Variants in DNAH3 observed in about 807,000 individuals in gnomAD.
The protein encoded by DNAH3 is dynein axonemal heavy chain 3, also known as axonemal beta dynein heavy chain 3.
In DNAH3, 332 loss-of-function variants were observed where a neutral mutation model predicts 432.5. The observed-to-expected ratio is 0.77, with a 90% confidence interval of 0.70 to 0.84. DNAH3 has a LOEUF of 0.84. DNAH3 is among the 40% of genes least tolerant of loss of function. DNAH3 has a pLI of 0.00. For synonymous variants in DNAH3, 1,956 were observed against 1,900.2 expected (o/e 1.03, Z -0.76); for missense variants, 4,861 against 5,114.0 (o/e 0.95, Z 1.51).
chr16:21,147,484 C>T (rs12443957), intron 1 of DNAH3, among the ~76,000 whole-genome samples: 2 of 151,998 alleles, frequency 1.3e-5, no homozygotes, highest in Admixed American at 6.6e-5. Flanking sequence ...CCAAAGTGCT[C>T]GGATTACAGG....
chr16:21,090,484 T>C (rs1327587432), intron 18 of DNAH3, among the ~76,000 whole-genome samples: 2 of 152,118 alleles, frequency 1.3e-5, no homozygotes, highest in African/African-American at 2.4e-5. Flanking sequence ...TAATACACCA[T>C]GTCCAAGTAG....
intron 12 of DNAH3, among the ~76,000 whole-genome samples, 179 bp from the exon 13 acceptor site, chr16:21,112,277 T>C (rs1257917618): frequency 6.6e-6 from 1 of 152,182 alleles, no homozygotes; most frequent in Non-Finnish European, 1.5e-5. Flanking sequence ...GGCTCTGATT[T>C]TCAGTTTCAC....
rs767018940 is a variant in DNAH3 at position 20,964,158 on chromosome 16, G to A, written c.9726C>T (p.Ile3242=). The A allele has an allele frequency of 1.3e-5, 21 of 1,614,040 alleles. No individual in the cohort carries two copies. In the South Asian group the frequency reaches 2.0e-4, roughly 15 times the overall value. The stretch of plus-strand genomic sequence containing the variant: ...CCTTGGACATGGAGAGAACCTCCAA[G>A]ATCTTATCTTCAATTTCCTTGAGAT... The change falls in exon 53 of 62, where the codon ATC becomes ATT. Residue 3242 remains isoleucine (I), a synonymous_variant. Coordinates refer to ENST00000261383, the Ensembl canonical transcript of DNAH3.
chr16:21,067,776 G>GGAGGGAGAGAGAGAGAGAGA (rs374291201), intron 23 of DNAH3, among the ~76,000 whole-genome samples: 1 of 40,896 alleles, frequency 2.4e-5, no homozygotes, highest in African/African-American at 1.2e-4. Flanking sequence ...GGGTGGGGAG[G>GGAGGGAGAGAGAGAGAGAGA]GAGAGAGAGA....
At chr16:21,148,248 A>C (rs2092810330) in intron 1 of DNAH3, among the ~76,000 whole-genome samples, 1 of 152,098 alleles carries the variant, frequency 6.6e-6, no homozygotes, top group Non-Finnish European at 1.5e-5. Context: ...GAAAAACAAC[A>C]ACCGCAGCAA....
chr16:20,980,303 T>TTATAATATACATCA (rs1322071145), intron 49 of DNAH3, among the ~76,000 whole-genome samples: 11 of 142,468 alleles, frequency 7.7e-5, no homozygotes, highest in South Asian at 4.2e-4. Context: ...ACATCATATA[T>TTATAATATACATCA]TATATTATAT....
chr16:21,023,849 G>A (rs558941732), intron 39 of DNAH3, among the ~76,000 whole-genome samples: 1 of 151,712 alleles, frequency 6.6e-6, no homozygotes, highest in East Asian at 1.9e-4. Context: ...ACGTGGATAT[G>A]TACTTGCACT....
At chr16:20,936,912 T>C in intron 59 of DNAH3, 59 bp from the exon 60 acceptor site, 1 of 1,370,374 alleles carries the variant, frequency 7.3e-7, no homozygotes, top group Non-Finnish European at 1.0e-6. Flanking sequence ...TCTACCCAAG[T>C]CCACTGACTG....
intron 52 of DNAH3, among the ~76,000 whole-genome samples, chr16:20,965,917 T>C (rs550821118): frequency 4.0e-5 from 6 of 151,752 alleles, no homozygotes; most frequent in African/African-American, 1.5e-4. Context: ...TTTACCATGT[T>C]GACCAGGCTG....
At chr16:20,976,740 T>C (rs374420271) in intron 50 of DNAH3, among the ~76,000 whole-genome samples, 43 of 152,162 alleles carry the variant, frequency 2.8e-4, no homozygotes, top group Non-Finnish European at 5.6e-4. Flanking sequence ...AATGCCCTTA[T>C]ATAATAAAAA....
chr16:20,975,372 A>C, exon 51 of DNAH3: 1 of 1,614,168 alleles, frequency 6.2e-7, no homozygotes, highest in South Asian at 1.1e-5. Context: ...GGTGAGGATG[A>C]GTTGAGGTTG....
At chr16:20,988,000 T>C in exon 45 of DNAH3, 2 of 1,614,050 alleles carry the variant, frequency 1.2e-6, no homozygotes, top group Non-Finnish European at 8.5e-7. Context: ...GAACTGAAAA[T>C]CTTGGTTAAA....
At chr16:20,981,356 G>C (rs1452990570) in intron 49 of DNAH3, among the ~76,000 whole-genome samples, 1 of 152,090 alleles carries the variant, frequency 6.6e-6, no homozygotes, top group Admixed American at 6.5e-5. Flanking sequence ...AGATAATAAA[G>C]TTCAAAATAC....
intron 12 of DNAH3, among the ~76,000 whole-genome samples, chr16:21,114,618 C>T (rs901822832): frequency 7.2e-5 from 11 of 152,138 alleles, no homozygotes; most frequent in African/African-American, 2.7e-4. Flanking sequence ...GACATTTATG[C>T]AGCCAAAAGA....
At chr16:21,027,249 T>C (rs1365293218) in intron 37 of DNAH3, 122 bp from the exon 38 acceptor site, 5 of 718,720 alleles carry the variant, frequency 7.0e-6, no homozygotes, top group Middle Eastern at 2.6e-4. Flanking sequence ...TGAGCACTTA[T>C]GATGTCCCAG....
chr16:21,080,174 G>GT (rs2091132214), intron 20 of DNAH3, among the ~76,000 whole-genome samples: 1 of 152,196 alleles, frequency 6.6e-6, no homozygotes, highest in African/African-American at 2.4e-5. Flanking sequence ...GCGGGCACCT[G>GT]TAACCCCAGC....
At chr16:21,142,304 T>G (rs2092729906) in intron 3 of DNAH3, among the ~76,000 whole-genome samples, 1 of 151,870 alleles carries the variant, frequency 6.6e-6, no homozygotes, top group African/African-American at 2.4e-5. Context: ...GGGACGGAGG[T>G]TGCAGTGAGC....
At chr16:21,072,037 T>A (rs11645297) in intron 21 of DNAH3, among the ~76,000 whole-genome samples, 36,874 of 152,038 alleles carry the variant, frequency 0.24, 4,744 homozygotes, top group East Asian at 0.46. Flanking sequence ...TTTTCTTTCA[T>A]TGTAGGTGTA....
At chr16:21,016,093 T>C (rs1302667506) in intron 41 of DNAH3, among the ~76,000 whole-genome samples, 1 of 152,166 alleles carries the variant, frequency 6.6e-6, no homozygotes, top group Admixed American at 6.6e-5. Flanking sequence ...CTGGCCGAGA[T>C]ATGATTTTCA....
Sources: allele counts gnomAD v4.1 joint callset (sites outside exome capture counted in the v4.1 genomes callset), GRCh38; gene constraint gnomAD v4.1.1; transcripts MANE v1.5; gene names NCBI Gene and HGNC (gene_info 2026-07-23, HGNC 2026-07-21).